The following HK3 variants were observed in gnomAD, a reference collection of about 807,000 sequenced individuals.
HK3 encodes the protein hexokinase-3.
Under a neutral mutation model 91.0 loss-of-function variants are expected in HK3, and 93 were observed. That is an observed-to-expected ratio of 1.02 (90% CI 0.86 to 1.21). The LOEUF (loss-of-function observed/expected upper bound fraction) is 1.21. HK3 is among the 50% of genes most tolerant of loss of function. HK3 has a pLI of 0.00. For missense variants in HK3, 1,235 were observed against 1,247.4 expected, an observed-to-expected ratio of 0.99 and a Z score of 0.15; for synonymous variants, 519 against 516.9, an observed-to-expected ratio of 1.00 and a Z score of -0.06.
At chr5:176,882,956 A>G (rs979436877) in intron 15 of HK3, among the ~76,000 whole-genome samples, 2 of 152,124 alleles carry the variant, frequency 1.3e-5, no homozygotes, top group African/African-American at 4.8e-5. Context: ...AGGCTGCCAC[A>G]TGCCTCGTGT....
At position 176,883,770 on chromosome 5, in the gene HK3, C is replaced by A. The variant is rs760956658; in HGVS notation, c.2053G>T (p.Gly685Ter). The A allele has an allele frequency of 6.2e-7, 1 of 1,611,082 alleles. No homozygotes were observed. The highest frequency in any genetic ancestry group is 8.5e-7 in the Non-Finnish European group (1 of 1,177,570). ...DPRCEIGLIV[G>*]TGTNACYMEE... Reference sequence around the variant, plus strand: ...CATGAAAGGGCAGGGCCCTCCTCACCGACAATGAGGCCTATCTCGCAACGG... The same window carrying A: ...CATGAAAGGGCAGGGCCCTCCTCACAGACAATGAGGCCTATCTCGCAACGG... The change falls in exon 15 of 19, where the codon GGA (glycine) becomes TGA (stop). Residue 685 changes from glycine to a stop codon, truncating the protein, a stop_gained and splice_region_variant. Coordinates refer to ENST00000292432, the MANE Select transcript of HK3 (RefSeq NM_002115.3). LOFTEE classifies it high-confidence loss of function.
Position 176,887,035 on chromosome 5 carries a change from G to A in HK3, c.1824C>T (p.Phe608=), listed in dbSNP as rs144964139. The change falls in exon 13 of 19, where the codon TTC becomes TTT. Residue 608 remains phenylalanine (F), a synonymous_variant. Transcript: ENST00000292432. The surrounding 1 kb of genome is among the most constrained non-coding windows in gnomAD (Gnocchi z 4.9). ...GGCCAAGCTGCCTACATGGGAAGGA[G>A]AAGGTAAAACCCAGTGGGAGGCTCT... ...SGQSLPLGFT[F]SFPCRQLGLD... is the part of the protein sequence containing the mutation. 2.5e-5 allele frequency: 40 copies of A among 1,614,180 alleles called. No individual in the cohort carries two copies. Among genetic ancestry groups the A allele is most frequent in the Non-Finnish European group, 3.1e-5 (37 of 1,180,040 alleles).
intron 4 of HK3, 33 bp from the exon 5 acceptor site, chr5:176,890,974 C>T: frequency 5.6e-6 from 9 of 1,613,940 alleles, no homozygotes; most frequent in Non-Finnish European, 7.6e-6. Context: ...CAGCCTTGCC[C>T]ATCTGAGCCC....
At chr5:176,893,105 G>C (rs12519232) in intron 2 of HK3, among the ~76,000 whole-genome samples, 21,444 of 152,220 alleles carry the variant, frequency 0.14, 1,915 homozygotes, top group Non-Finnish European at 0.2. Context: ...GACAGGCGGG[G>C]TCTCAGCCTT....
chr5:176,882,238 A>C (rs1476239716), intron 15 of HK3, 111 bp from the exon 16 acceptor site: 19 of 1,107,682 alleles, frequency 1.7e-5, no homozygotes, highest in African/African-American at 4.6e-5. Flanking sequence ...TCTACCTCTC[A>C]TGCTCACAGC....
chr5:176,895,758 C>T (rs1338163910), intron 2 of HK3, among the ~76,000 whole-genome samples: 4 of 152,138 alleles, frequency 2.6e-5, no homozygotes, highest in Non-Finnish European at 5.9e-5. Flanking sequence ...GGGGCGGGAG[C>T]GGCACCTGTG....
In HK3 at chr5:176,891,092, G is replaced by T. The variant is rs766901550; in HGVS notation, c.359C>A (p.Pro120His). 49 of 1,613,944 alleles carry T rather than the reference G, an allele frequency of 3.0e-5. No homozygotes were observed. The highest frequency in any genetic ancestry group is 4.2e-5 in the Non-Finnish European group (49 of 1,180,024). The stretch of plus-strand genomic sequence containing the variant: ...GGGGATCACAAACTCCTGGCTTCTG[G>T]GCTCCACCCTATGCCCCTCAATGCC... Reference protein sequence around the residue: ...LTGIEGHRVEPRSQEFVIPQE... With the variant: ...LTGIEGHRVEHRSQEFVIPQE... The change falls in exon 4 of 19, where the codon CCC (proline) becomes CAC (histidine). Residue 120 changes from proline (P) to histidine (H), a missense_variant. Around this residue, in one of 3 missense-constraint regions of HK3, gnomAD observed 717 missense variants for 751.6 expected, o/e 0.95. Transcript: ENST00000292432.
In HK3 at chr5:176,887,216, C is replaced by G; in HGVS notation, c.1722G>C (p.Gln574His). 4 of 1,614,170 alleles carry G rather than the reference C, an allele frequency of 2.5e-6. No individual in the cohort carries two copies. The highest frequency in any genetic ancestry group is 2.5e-6 in the Non-Finnish European group (3 of 1,180,040). Residue 574 changes from glutamine (Q) to histidine (H), a missense_variant, in exon 12 of 19, where the codon CAG becomes CAC. Gln to His is a conservative substitution (Grantham distance 24). This residue lies in a region of HK3 where 513 missense variants were observed against 477.4 expected (regional missense o/e 1.07). Transcript: ENST00000292432. The surrounding 1 kb of genome is among the most constrained non-coding windows in gnomAD (Gnocchi z 4.9). ...EIYSIPETVAQGSGQQLFDHI... is the reference protein window; with the variant it reads ...EIYSIPETVAHGSGQQLFDHI... The stretch of plus-strand genomic sequence containing the variant: ...CTGTGGGTACCTGCTGCCCAGAACC[C>G]TGGGCCACAGTCTCGGGAATGGAGT...
chr5:176,889,370 T>G lies in HK3; in HGVS notation c.914+11A>C, dbSNP rs1304874634. ...CCTGGAACCAAAGGTCAGGGCCCCC[T>G]GCCAGGTCACCTCTGAGCACCAGGA... is the stretch of plus-strand genomic sequence containing the variant. On this transcript the variant is annotated intron_variant, in intron 8 of 18. Coordinates refer to ENST00000292432, the MANE Select transcript of HK3 (RefSeq NM_002115.3). 1 of 1,611,804 alleles carries G rather than the reference T, an allele frequency of 6.2e-7. No homozygotes were observed. Among genetic ancestry groups the G allele is most frequent in the South Asian group, 1.1e-5 (1 of 90,958 alleles).
In HK3 at chr5:176,881,542, G is replaced by A; in HGVS notation, c.2394-7C>T. The A allele has an allele frequency of 6.3e-7, 1 of 1,599,666 alleles. No homozygotes were observed. Among genetic ancestry groups the A allele is most frequent in the Non-Finnish European group, 8.5e-7 (1 of 1,175,074 alleles). On this transcript the variant is annotated splice_region_variant and splice_polypyrimidine_tract_variant and intron_variant, in intron 17 of 18. Coordinates refer to ENST00000292432, the MANE Select transcript of HK3 (RefSeq NM_002115.3). The stretch of plus-strand genomic sequence containing the variant: ...CCGCAGGGCCAGGCTGTCACTGGGG[G>A]CCAGGAAGGAAGAGAGCACAGGGAG...
chr5:176,890,470 G>C (rs560927459), intron 6 of HK3, among the ~76,000 whole-genome samples, 165 bp downstream of exon 6: 1 of 152,176 alleles, frequency 6.6e-6, no homozygotes, highest in Non-Finnish European at 1.5e-5. Flanking sequence ...CAATGGGAAT[G>C]GTAGCAACAT....
chr5:176,890,054 C>T lies in HK3; in HGVS notation c.631-310G>A, dbSNP rs978970360. On this transcript the variant is annotated intron_variant, in intron 6 of 18. Coordinates refer to ENST00000292432, the MANE Select transcript of HK3 (RefSeq NM_002115.3). ...AGACTGAGCACCTCCTTGAACTCTG[C>T]GCCTTGCCAGCCTCACTGTCATCCT... is the stretch of plus-strand genomic sequence containing the variant. Among the ~76,000 whole-genome samples the T allele has an allele frequency of 3.3e-5, 5 of 152,150 alleles. No homozygotes were observed. In the East Asian group the frequency reaches 5.8e-4, roughly 18 times the overall value.
Position 176,881,535 on chromosome 5 carries a change from A to G in HK3, c.2394T>C (p.Ser798=), listed in dbSNP as rs771100177. 1 of 1,601,568 alleles carries G rather than the reference A, an allele frequency of 6.2e-7. No homozygotes were observed. Among genetic ancestry groups the G allele is most frequent in the Non-Finnish European group, 8.5e-7 (1 of 1,176,492 alleles). ...FKTKFLSEIE[S]DSLALRQVRA... ...GGACCTGCCGCAGGGCCAGGCTGTC[A>G]CTGGGGGCCAGGAAGGAAGAGAGCA... The change falls in exon 18 of 19, where the codon AGT becomes AGC. Residue 798 remains serine (S), a splice_region_variant and synonymous_variant. Transcript: ENST00000292432.
At chr5:176,889,327 G>T in intron 8 of HK3, 54 bp downstream of exon 8, 1 of 1,562,722 alleles carries the variant, frequency 6.4e-7, no homozygotes, top group Non-Finnish European at 8.8e-7. Flanking sequence ...GTTGGGAGCA[G>T]AGCAGTCATA....
intron 1 of HK3, among the ~76,000 whole-genome samples, chr5:176,897,882 G>A (rs1387328301): frequency 1.3e-5 from 2 of 152,166 alleles, no homozygotes; most frequent in African/African-American, 2.4e-5. Context: ...TGGTCTGTTA[G>A]ACATCACTAT....
intron 2 of HK3, among the ~76,000 whole-genome samples, chr5:176,893,043 G>A (rs1758817277): frequency 6.6e-6 from 1 of 152,190 alleles, no homozygotes; most frequent in Non-Finnish European, 1.5e-5. Context: ...TTTGCTCACA[G>A]GCTGCACATC....
chr5:176,898,861 G>A (rs1053959317), intron 1 of HK3, among the ~76,000 whole-genome samples: 1 of 152,184 alleles, frequency 6.6e-6, no homozygotes, highest in Non-Finnish European at 1.5e-5. Flanking sequence ...GGCTGGGTGT[G>A]GTGGCTTGCA....
intron 8 of HK3, 141 bp downstream of exon 8, chr5:176,889,240 G>C: frequency 1.1e-6 from 1 of 928,740 alleles, no homozygotes; most frequent in Non-Finnish European, 1.6e-6. Flanking sequence ...AACCTGGCCA[G>C]GGCCCCCAGG....
At chr5:176,882,668 G>A (rs972299453) in intron 15 of HK3, among the ~76,000 whole-genome samples, 1 of 152,232 alleles carries the variant, frequency 6.6e-6, no homozygotes, top group Admixed American at 6.5e-5. Context: ...AGACCACGGG[G>A]CGAGTCTCTG....
Sources: allele counts gnomAD v4.1 joint callset (sites outside exome capture counted in the v4.1 genomes callset), GRCh38; gene constraint gnomAD v4.1.1; regional missense constraint gnomAD v4.1.1; non-coding constraint Gnocchi (gnomAD v3.1); transcripts MANE v1.5; gene names NCBI Gene and HGNC (gene_info 2026-07-23, HGNC 2026-07-21).